Variants in SLIT3 observed in about 807,000 individuals in gnomAD.
SLIT3 encodes the protein slit homolog 3 protein.
Under a neutral mutation model 184.0 loss-of-function variants are expected in SLIT3, and 68 were observed. That is an observed-to-expected ratio of 0.37 (90% CI 0.30 to 0.45). The LOEUF is 0.45. Ranked by LOEUF, SLIT3 falls within the 20% of genes least tolerant of loss-of-function variation. The probability of loss-of-function intolerance (pLI) is 1.00; values close to 1 mark genes in which losing one functional copy is unlikely to be tolerated. For missense variants in SLIT3, 1,707 were observed against 2,026.0 expected, an observed-to-expected ratio of 0.84 and a Z score of 3.02; for synonymous variants, 831 against 828.6, an observed-to-expected ratio of 1.00 and a Z score of -0.05.
At chr5:168,831,551 C>T (rs915970350) in intron 6 of SLIT3, among the ~76,000 whole-genome samples, 3 of 152,196 alleles carry the variant, frequency 2.0e-5, no homozygotes, top group Non-Finnish European at 4.4e-5. Flanking sequence ...GCCTTATTCA[C>T]TGACGTATAG....
chr5:169,082,908 C>T (rs1272022428), intron 4 of SLIT3, among the ~76,000 whole-genome samples: 1 of 152,190 alleles, frequency 6.6e-6, no homozygotes, highest in Non-Finnish European at 1.5e-5. Context: ...TGACAAATGT[C>T]TTCTCAGCAG....
At chr5:168,671,608 G>T in intron 33 of SLIT3, 125 bp from the exon 34 acceptor site, 2 of 1,114,688 alleles carry the variant, frequency 1.8e-6, no homozygotes, top group East Asian at 2.6e-5. Flanking sequence ...TTCAAACGAG[G>T]TTAACGGGCC....
intron 3 of SLIT3, among the ~76,000 whole-genome samples, chr5:169,224,398 C>G (rs1483300075): frequency 6.6e-6 from 1 of 150,378 alleles, no homozygotes; most frequent in African/African-American, 2.5e-5. Context: ...TTTTTTGAGA[C>G]TAGGTCTTGC....
chr5:169,210,280 GTCCAATC>G (rs1273776154), intron 3 of SLIT3, among the ~76,000 whole-genome samples: 1 of 152,124 alleles, frequency 6.6e-6, no homozygotes, highest in African/African-American at 2.4e-5. Flanking sequence ...AAATGCAGTT[GTCCAATC>G]TCTCAAGATT....
At chr5:169,064,509 C>T (rs956542284) in intron 4 of SLIT3, among the ~76,000 whole-genome samples, 1 of 152,096 alleles carries the variant, frequency 6.6e-6, no homozygotes, top group Admixed American at 6.5e-5. Flanking sequence ...GAAACTGAGG[C>T]CAGGGATGTA....
chr5:168,953,093 G>T (rs1762716037), intron 4 of SLIT3, among the ~76,000 whole-genome samples: 1 of 152,184 alleles, frequency 6.6e-6, no homozygotes, highest in African/African-American at 2.4e-5. Context: ...GGCTAAACAG[G>T]CTTAGTAGGA....
intron 12 of SLIT3, among the ~76,000 whole-genome samples, chr5:168,782,300 C>T (rs917213629): frequency 2.6e-5 from 4 of 152,208 alleles, no homozygotes; most frequent in Non-Finnish European, 5.9e-5. Context: ...ACTGCCCTCC[C>T]GACTTAAGTG....
intron 29 of SLIT3, 69 bp from the exon 30 acceptor site, chr5:168,687,185 C>A: frequency 6.3e-7 from 1 of 1,578,044 alleles, no homozygotes; most frequent in South Asian, 1.1e-5. Flanking sequence ...ACTCTCCAGC[C>A]CCCCTCAGCA....
chr5:168,722,330 G>C lies in SLIT3; in HGVS notation c.2412-3C>G. Reference sequence around the variant, plus strand: ...TCAGCCGGTTGTAGCTCAGGATCCTGTGGAAAAGGAGGCATGTGCCCTGTT... The same window carrying C: ...TCAGCCGGTTGTAGCTCAGGATCCTCTGGAAAAGGAGGCATGTGCCCTGTT... On this transcript the variant is annotated splice_region_variant and splice_polypyrimidine_tract_variant and intron_variant, in intron 22 of 35. Coordinates refer to ENST00000519560, the MANE Select transcript of SLIT3 (RefSeq NM_003062.4). The C allele has an allele frequency of 6.2e-7, 1 of 1,613,988 alleles. No individual in the cohort carries two copies. The highest frequency in any genetic ancestry group is 8.5e-7 in the Non-Finnish European group (1 of 1,179,914).
intron 32 of SLIT3, among the ~76,000 whole-genome samples, chr5:168,678,064 C>A (rs928761157): frequency 6.6e-6 from 1 of 152,172 alleles, no homozygotes; most frequent in Non-Finnish European, 1.5e-5. Flanking sequence ...CGATAGGGGC[C>A]ACACTGCTAA....
intron 4 of SLIT3, among the ~76,000 whole-genome samples, chr5:169,110,249 A>G (rs974525941): frequency 6.6e-6 from 1 of 152,210 alleles, no homozygotes; most frequent in African/African-American, 2.4e-5. Flanking sequence ...CCCAAAGCCA[A>G]AAATACTTAT....
intron 5 of SLIT3, among the ~76,000 whole-genome samples, chr5:168,863,082 A>C (rs1328432624): frequency 2.0e-5 from 3 of 152,216 alleles, no homozygotes; most frequent in East Asian, 1.9e-4. Flanking sequence ...TATGAGCCTG[A>C]AAGCATCCAC....
At chr5:168,815,580 T>A (rs930736180) in intron 8 of SLIT3, among the ~76,000 whole-genome samples, 1 of 152,230 alleles carries the variant, frequency 6.6e-6, no homozygotes, top group African/African-American at 2.4e-5. Flanking sequence ...TTTTATTATA[T>A]GTGTTTGATG....
intron 4 of SLIT3, among the ~76,000 whole-genome samples, chr5:169,070,769 T>C (rs2113124330): frequency 6.8e-6 from 1 of 147,438 alleles, no homozygotes; most frequent in Non-Finnish European, 1.5e-5. Flanking sequence ...TACCAACATT[T>C]GCCTAGACTT....
chr5:169,107,716 G>A (rs2113248854), intron 4 of SLIT3, among the ~76,000 whole-genome samples: 1 of 152,328 alleles, frequency 6.6e-6, no homozygotes, highest in East Asian at 1.9e-4. Context: ...AGTAAGAACA[G>A]CCACCTGGCT....
intron 3 of SLIT3, among the ~76,000 whole-genome samples, chr5:169,199,068 C>T (rs192100296): frequency 2.6e-5 from 4 of 151,630 alleles, no homozygotes; most frequent in South Asian, 4.2e-4. Flanking sequence ...TAGCAGTAAG[C>T]CCAGTTTGGA....
chr5:169,038,603 G>A (rs970048449), intron 4 of SLIT3, among the ~76,000 whole-genome samples: 2 of 152,200 alleles, frequency 1.3e-5, no homozygotes, highest in Non-Finnish European at 2.9e-5. Flanking sequence ...GCTCCATGCT[G>A]TAATTCTCCA....
intron 4 of SLIT3, among the ~76,000 whole-genome samples, chr5:169,002,051 CT>C (rs1755721054): frequency 1.3e-5 from 2 of 151,926 alleles, no homozygotes; most frequent in Non-Finnish European, 2.9e-5. Flanking sequence ...TGGTGGTTCA[CT>C]CCTGTAATCA....
At chr5:168,930,086 C>T (rs1761941586) in intron 4 of SLIT3, among the ~76,000 whole-genome samples, 1 of 152,228 alleles carries the variant, frequency 6.6e-6, no homozygotes. Flanking sequence ...GAGGTCTCAC[C>T]TGCATTCCTG....
Sources: gnomAD v4.1 joint callset for allele counts (sites outside exome capture counted in the v4.1 genomes callset) on GRCh38, gnomAD v4.1.1 for gene constraint, MANE v1.5 for transcripts, NCBI Gene and HGNC (gene_info 2026-07-23, HGNC 2026-07-21) for gene names.